Variants in CDH18 observed in about 807,000 individuals in gnomAD.
CDH18 encodes cadherin-18.
A neutral mutation model predicts 67.9 loss-of-function variants in CDH18; 31 were observed. That is an observed-to-expected ratio of 0.46 (90% CI 0.34 to 0.62). The LOEUF (loss-of-function observed/expected upper bound fraction) is 0.62, where lower values mean the gene tolerates loss of function less well. Ranked by LOEUF, CDH18 falls within the 20% of genes least tolerant of loss-of-function variation. The probability of loss-of-function intolerance (pLI) is 0.01; values close to 1 mark genes in which losing one functional copy is unlikely to be tolerated. For synonymous variants in CDH18, 362 were observed against 347.2 expected, an observed-to-expected ratio of 1.04 and a Z score of -0.48; for missense variants, 890 against 975.5, an observed-to-expected ratio of 0.91 and a Z score of 1.17.
chr5:20,098,569 T>C (rs1030106305), intron 2 of CDH18, among the ~76,000 whole-genome samples: 10 of 152,216 alleles, frequency 6.6e-5, no homozygotes, highest in African/African-American at 2.2e-4. Context: ...TTTATACTTC[T>C]AAAAATGTGC....
At chr5:19,559,182 G>C (rs1738994232) in intron 8 of CDH18, among the ~76,000 whole-genome samples, 1 of 151,526 alleles carries the variant, frequency 6.6e-6, no homozygotes, top group Admixed American at 6.6e-5. Context: ...TGTGTTTTTT[G>C]TTTCAATTTA....
At chr5:20,182,687 T>C (rs1413024582) in intron 2 of CDH18, among the ~76,000 whole-genome samples, 1 of 151,952 alleles carries the variant, frequency 6.6e-6, no homozygotes, top group Non-Finnish European at 1.5e-5. Flanking sequence ...CATTCTTGTT[T>C]TATAAAATGG....
At chr5:20,046,186 T>C (rs1005280389) in intron 2 of CDH18, among the ~76,000 whole-genome samples, 1 of 151,926 alleles carries the variant, frequency 6.6e-6, no homozygotes, top group African/African-American at 2.4e-5. Flanking sequence ...TCTGGAAATA[T>C]TTTGAAGATA....
chr5:20,241,515 A>G (rs1742894131), intron 2 of CDH18, among the ~76,000 whole-genome samples: 1 of 152,004 alleles, frequency 6.6e-6, no homozygotes, highest in Non-Finnish European at 1.5e-5. Context: ...CTCCACAAGG[A>G]TGATTATTTG....
intron 1 of CDH18, among the ~76,000 whole-genome samples, chr5:20,477,667 C>T (rs916717964): frequency 4.6e-5 from 7 of 152,144 alleles, no homozygotes; most frequent in African/African-American, 9.7e-5. Flanking sequence ...TGGGCTAAAG[C>T]GATCTGGAAT....
At chr5:19,624,748 A>T (rs1751256883) in intron 5 of CDH18, among the ~76,000 whole-genome samples, 1 of 152,180 alleles carries the variant, frequency 6.6e-6, no homozygotes, top group Non-Finnish European at 1.5e-5. Context: ...GCTCAGGACC[A>T]CACGTCTCTA....
At chr5:20,056,410 T>A (rs1166779375) in intron 2 of CDH18, among the ~76,000 whole-genome samples, 6 of 148,850 alleles carry the variant, frequency 4.0e-5, no homozygotes, top group South Asian at 2.1e-4. Context: ...GTTTGTTTTT[T>A]AATCTTTTTT....
intron 5 of CDH18, among the ~76,000 whole-genome samples, chr5:19,620,975 C>T (rs1309609929): frequency 6.6e-6 from 1 of 152,022 alleles, no homozygotes; most frequent in Non-Finnish European, 1.5e-5. Flanking sequence ...ATAATAAACC[C>T]ATTACAGAGC....
chr5:19,504,726 G>T (rs1743818370), intron 10 of CDH18, among the ~76,000 whole-genome samples: 1 of 151,864 alleles, frequency 6.6e-6, no homozygotes, highest in Non-Finnish European at 1.5e-5. Flanking sequence ...TAAAACAAAT[G>T]TTCTCTCACC....
At chr5:20,329,768 C>CAAAAAAAAAAAAAAAAAAAAAAAAAAA (rs60246535) in intron 1 of CDH18, among the ~76,000 whole-genome samples, 1 of 62,568 alleles carries the variant, frequency 1.6e-5, no homozygotes, top group Non-Finnish European at 2.8e-5. Context: ...GAAACTCCAT[C>CAAAAAAAAAAAAAAAAAAAAAAAAAAA]AAAAAAAAAA....
chr5:20,540,285 A>G (rs1383088433), intron 1 of CDH18, among the ~76,000 whole-genome samples: 1 of 152,166 alleles, frequency 6.6e-6, no homozygotes, highest in Non-Finnish European at 1.5e-5. Flanking sequence ...AATTCCAGAT[A>G]GTACTAAATT....
In CDH18 at chr5:19,501,491, G is replaced by C. The variant is rs150091275; in HGVS notation, c.1630+1501C>G. On this transcript the variant is annotated intron_variant, in intron 11 of 12. Coordinates refer to ENST00000382275, the MANE Select transcript of CDH18 (RefSeq NM_004934.5). ...AAAAAACTAGCCAGGCATGGTACGA[G>C]AGCAAACCTCCCTCTTAAAAAAGAA... Among the ~76,000 whole-genome samples the C allele has an allele frequency of 2.8e-3, 382 of 137,570 alleles. 1 individual carries two copies. Among genetic ancestry groups the C allele is most frequent in the African/African-American group, 1.0e-2 (367 of 36,718 alleles). 90.3% of individuals were successfully genotyped at this position (137,570 alleles called of 152,430 possible).
chr5:20,374,543 CT>C (rs1258028614), intron 1 of CDH18, among the ~76,000 whole-genome samples: 1 of 152,100 alleles, frequency 6.6e-6, no homozygotes, highest in Non-Finnish European at 1.5e-5. Context: ...AAACATTTCT[CT>C]TATTTTACAG....
At chr5:19,859,525 C>T (rs4270697) in intron 2 of CDH18, among the ~76,000 whole-genome samples, 121,322 of 152,042 alleles carry the variant, frequency 0.8, 50,257 homozygotes, top group Non-Finnish European at 0.91. Flanking sequence ...AGAGAATTAA[C>T]TAGGTCCAGC....
intron 9 of CDH18, among the ~76,000 whole-genome samples, chr5:19,521,649 T>C (rs1358602145): frequency 1.3e-5 from 2 of 151,994 alleles, no homozygotes; most frequent in Non-Finnish European, 2.9e-5. Flanking sequence ...AGGGAATAAA[T>C]ACTTATAGAG....
intron 10 of CDH18, among the ~76,000 whole-genome samples, chr5:19,519,566 C>T (rs1746567778): frequency 6.6e-6 from 1 of 152,166 alleles, no homozygotes; most frequent in Non-Finnish European, 1.5e-5. Flanking sequence ...TTCCTGTAAT[C>T]CCTCTGCCTT....
chr5:20,268,405 T>C (rs1183370675), intron 1 of CDH18, among the ~76,000 whole-genome samples: 1 of 152,178 alleles, frequency 6.6e-6, no homozygotes, highest in Non-Finnish European at 1.5e-5. Flanking sequence ...TCTTGCCTGA[T>C]TGTTCTATGT....
At chr5:20,510,482 A>G (rs1160922175) in intron 1 of CDH18, among the ~76,000 whole-genome samples, 5 of 152,104 alleles carry the variant, frequency 3.3e-5, no homozygotes, top group African/African-American at 9.7e-5. Flanking sequence ...TCCACTGTGT[A>G]TATATAACTA....
chr5:20,167,392 T>C (rs7356614), intron 2 of CDH18, among the ~76,000 whole-genome samples: 88,144 of 151,242 alleles, frequency 0.58, 25,702 homozygotes, highest in Middle Eastern at 0.69. Flanking sequence ...CCTGAAAAGA[T>C]ATTAAGAGCT....
Sources: allele counts gnomAD v4.1 joint callset (sites outside exome capture counted in the v4.1 genomes callset), GRCh38; gene constraint gnomAD v4.1.1; transcripts MANE v1.5; gene names NCBI Gene and HGNC (gene_info 2026-07-23, HGNC 2026-07-21).